The following DNAH6 variants were observed in gnomAD, a reference collection of about 807,000 sequenced individuals.
DNAH6 encodes the protein dynein axonemal heavy chain 6, also known as axonemal beta dynein heavy chain 6.
Under a neutral mutation model 491.4 loss-of-function variants are expected in DNAH6, and 340 were observed. The observed-to-expected ratio is 0.69, with a 90% confidence interval of 0.63 to 0.76. The LOEUF (loss-of-function observed/expected upper bound fraction) is 0.76. DNAH6 is among the 30% of genes least tolerant of loss of function. The probability of loss-of-function intolerance (pLI) is 0.00; values close to 1 mark genes in which losing one functional copy is unlikely to be tolerated. For missense variants in DNAH6, 4,443 were observed against 4,972.2 expected, an observed-to-expected ratio of 0.89 and a Z score of 3.20; for synonymous variants, 1,603 against 1,686.1, an observed-to-expected ratio of 0.95 and a Z score of 1.21.
intron 75 of DNAH6, 92 bp downstream of exon 75, chr2:84,814,214 C>T (rs891339054): frequency 7.5e-7 from 1 of 1,339,564 alleles, no homozygotes; most frequent in Non-Finnish European, 1.0e-6. Context: ...TCCCCCACCA[C>T]CTCCCATTGG....
At chr2:84,667,703 C>G (rs1016697953) in intron 37 of DNAH6, among the ~76,000 whole-genome samples, 1 of 152,124 alleles carries the variant, frequency 6.6e-6, no homozygotes, top group East Asian at 1.9e-4. Flanking sequence ...GGATCTAGAA[C>G]TAGAAATACC....
intron 14 of DNAH6, among the ~76,000 whole-genome samples, chr2:84,580,651 A>G (rs1367897363): frequency 1.3e-5 from 2 of 152,198 alleles, no homozygotes; most frequent in South Asian, 2.1e-4. Flanking sequence ...TGCCTTCTCA[A>G]AAAGGCAGAT....
intron 4 of DNAH6, among the ~76,000 whole-genome samples, chr2:84,540,195 G>A (rs1034422956): frequency 2.0e-5 from 3 of 152,150 alleles, no homozygotes; most frequent in Admixed American, 2.0e-4. Flanking sequence ...AACAAAGACA[G>A]ATGTATGCAT....
the DNAH6 span, among the ~76,000 whole-genome samples, chr2:84,471,035 A>T: frequency 6.6e-6 from 1 of 152,154 alleles, no homozygotes; most frequent in Non-Finnish European, 1.5e-5. Flanking sequence ...TACTTGAGAT[A>T]ATGGGCATAC....
At chr2:84,701,958 T>G (rs1695947728) in intron 49 of DNAH6, among the ~76,000 whole-genome samples, 2 of 152,220 alleles carry the variant, frequency 1.3e-5, no homozygotes, top group Admixed American at 1.3e-4. Flanking sequence ...AATAATTATA[T>G]ATATTTTCCT....
At chr2:84,743,058 G>T (rs952169994) in intron 62 of DNAH6, among the ~76,000 whole-genome samples, 1 of 152,100 alleles carries the variant, frequency 6.6e-6, no homozygotes, top group Non-Finnish European at 1.5e-5. Flanking sequence ...GACAGCTAGA[G>T]GTAGAGATAG....
chr2:84,783,534 T>G (rs1260664556), intron 65 of DNAH6, among the ~76,000 whole-genome samples: 1 of 152,238 alleles, frequency 6.6e-6, no homozygotes, highest in Non-Finnish European at 1.5e-5. Flanking sequence ...GTGTTAGTAT[T>G]GCTCTAGAAT....
intron 39 of DNAH6, among the ~76,000 whole-genome samples, chr2:84,670,952 T>G (rs556697104): frequency 8.5e-5 from 13 of 152,278 alleles, no homozygotes; most frequent in Non-Finnish European, 1.9e-4. Context: ...CTTCAGACAT[T>G]TGGAGTCTGG....
intron 62 of DNAH6, among the ~76,000 whole-genome samples, chr2:84,735,243 G>A (rs766111572): frequency 1.1e-4 from 16 of 152,158 alleles, no homozygotes; most frequent in Non-Finnish European, 2.2e-4. Context: ...TTCTTTCTAT[G>A]GTTGCATAGT....
intron 63 of DNAH6, among the ~76,000 whole-genome samples, chr2:84,761,795 C>CACACACAG (rs1178891577): frequency 1.3e-4 from 19 of 150,858 alleles, no homozygotes; most frequent in African/African-American, 4.7e-4. Context: ...CACATACACA[C>CACACACAG]ACACACACAC....
At position 84,647,541 on chromosome 2, in the gene DNAH6, T is replaced by A. The variant is rs189374158; in HGVS notation, c.5078+5487T>A. Among the ~76,000 whole-genome samples, 1,333 of 152,196 alleles carry A rather than the reference T, an allele frequency of 8.8e-3. 12 individuals are homozygous for A. Among genetic ancestry groups the A allele is most frequent in the Non-Finnish European group, 0.013 (883 of 68,002 alleles). ...GTTAAAGCCAGTGCTCATTTACCAC[T>A]CCAAAAACCCTAGGGCCCTTAAGAA... On this transcript the variant is annotated intron_variant, in intron 33 of 76. Transcript: ENST00000389394.
chr2:84,628,316 C>A (rs1196136922), intron 29 of DNAH6, among the ~76,000 whole-genome samples: 1 of 152,086 alleles, frequency 6.6e-6, no homozygotes, highest in Non-Finnish European at 1.5e-5. Flanking sequence ...CTTAAATGTC[C>A]CTTCATGTGT....
chr2:84,495,057 T>C, the DNAH6 span, among the ~76,000 whole-genome samples: 1 of 152,220 alleles, frequency 6.6e-6, no homozygotes, highest in Non-Finnish European at 1.5e-5. Context: ...TATCAATGTC[T>C]GGATCTCTCA....
chr2:84,791,671 A>G (rs989765501), intron 68 of DNAH6, among the ~76,000 whole-genome samples: 6 of 149,820 alleles, frequency 4.0e-5, no homozygotes, highest in African/African-American at 1.5e-4. Flanking sequence ...TATATATATA[A>G]GAATAGACAT....
chr2:84,685,538 G>A (rs1694182490), intron 43 of DNAH6, 66 bp downstream of exon 43: 3 of 1,033,814 alleles, frequency 2.9e-6, no homozygotes, highest in Non-Finnish European at 3.9e-6. Flanking sequence ...TTTCTACAAA[G>A]AACAATTAAC....
intron 29 of DNAH6, among the ~76,000 whole-genome samples, chr2:84,626,192 A>C (rs1193772265): frequency 6.6e-6 from 1 of 152,110 alleles, no homozygotes; most frequent in Non-Finnish European, 1.5e-5. Context: ...CTGTAAAAAC[A>C]TACATTTGTT....
In DNAH6 at chr2:84,547,339, T is replaced by G; in HGVS notation, c.1002T>G (p.Ile334Met). The change falls in exon 6 of 77, where the codon ATT (isoleucine) becomes ATG (methionine). Residue 334 changes from isoleucine to methionine, a missense_variant. Physicochemically the swap from Ile to Met is conservative, Grantham distance 10 (BLOSUM62 1). Coordinates refer to ENST00000389394, the MANE Select transcript of DNAH6 (RefSeq NM_001370.2). ...TGAGTTTTATGGGACTTTGTTATAT[T>G]GAAAAGTGTCACACCTACACCCTGC... ...YHLSFMGLCY[I>M]EKCHTYTLQE... 1.3e-6 allele frequency: 2 copies of G among 1,551,598 alleles called. No homozygotes were observed. The highest frequency in any genetic ancestry group is 4.9e-5 in the East Asian group (2 of 40,920).
At chr2:84,506,652 G>C in the DNAH6 span, among the ~76,000 whole-genome samples, 1 of 152,036 alleles carries the variant, frequency 6.6e-6, no homozygotes. Context: ...CCATGCCTAT[G>C]TCCTGAATGG....
the DNAH6 span, among the ~76,000 whole-genome samples, chr2:84,504,446 C>G: frequency 6.6e-6 from 1 of 152,070 alleles, no homozygotes; most frequent in Non-Finnish European, 1.5e-5. Context: ...TCGTGTTTTC[C>G]TGGATGGTGT....
Sources: gnomAD v4.1 joint callset for allele counts (sites outside exome capture counted in the v4.1 genomes callset) on GRCh38, gnomAD v4.1.1 for gene constraint, MANE v1.5 for transcripts, NCBI Gene and HGNC (gene_info 2026-07-23, HGNC 2026-07-21) for gene names.